The following CABIN1 variants were observed in gnomAD, a reference collection of about 807,000 sequenced individuals.
CABIN1 encodes calcineurin-binding protein cabin-1.
In CABIN1, 133 loss-of-function variants were observed where a neutral mutation model predicts 227.7. The ratio of observed to expected loss-of-function variants is 0.58; its 90% CI spans 0.51 to 0.67. CABIN1 has a LOEUF of 0.67. Ranked by LOEUF, CABIN1 falls within the 30% of genes least tolerant of loss-of-function variation. The pLI is 0.00. For synonymous variants in CABIN1, 1,086 were observed against 1,155.1 expected, an observed-to-expected ratio of 0.94 and a Z score of 1.21; for missense variants, 2,408 against 2,852.5, an observed-to-expected ratio of 0.84 and a Z score of 3.55.
At chr22:24,108,172 G>T (rs756988466) in intron 26 of CABIN1, among the ~76,000 whole-genome samples, 7 of 152,172 alleles carry the variant, frequency 4.6e-5, no homozygotes, top group Non-Finnish European at 8.8e-5. Flanking sequence ...CTGAAGTGGG[G>T]GCCTAGAGCA....
At chr22:24,026,416 GA>G (rs1384524913) in intron 1 of CABIN1, among the ~76,000 whole-genome samples, 1 of 152,132 alleles carries the variant, frequency 6.6e-6, no homozygotes, top group Non-Finnish European at 1.5e-5. Context: ...TCAGTTTATT[GA>G]GTTTTTTGCT....
intron 19 of CABIN1, among the ~76,000 whole-genome samples, chr22:24,076,500 G>A (rs539242771): frequency 9.2e-5 from 14 of 152,270 alleles, no homozygotes; most frequent in Admixed American, 2.0e-4. Context: ...AAGTTCCCTT[G>A]TGTACCTGAG....
rs981352928 is a variant in CABIN1 at position 24,171,862 on chromosome 22, A to G, written c.5907A>G (p.Ala1969=). The change falls in exon 34 of 37, where the codon GCA becomes GCG. Residue 1969 remains alanine, a synonymous_variant. Coordinates refer to ENST00000263119, the MANE Select transcript of CABIN1 (RefSeq NM_012295.4). ...PSDAHTKPRP[A]LAAATTIITC... is the part of the protein sequence containing the mutation. The stretch of plus-strand genomic sequence containing the variant: ...ATGCTCACACCAAGCCTCGCCCTGC[A>G]CTAGCTGCCGCCACAACTATTATCA... The G allele has an allele frequency of 9.9e-6, 16 of 1,613,974 alleles. No individual in the cohort carries two copies. The African/African-American group carries it at 2.1e-4, about 22-fold the overall frequency.
Position 24,094,823 on chromosome 22 carries a change from C to CA in CABIN1, c.3787-1086dup, listed in dbSNP as rs201624847. On this transcript the variant is annotated intron_variant, in intron 24 of 36. Coordinates refer to ENST00000263119, the MANE Select transcript of CABIN1 (RefSeq NM_012295.4). ...TGGGCGACAGAGCGAGACTCCGTCT[C>CA]AAAAAAAAAAAAAAAAAAAAAAGAA... Among the ~76,000 whole-genome samples the CA allele has an allele frequency of 8.3e-3, 643 of 77,212 alleles. 9 individuals carry two copies. Among genetic ancestry groups the CA allele is most frequent in the East Asian group, 0.024 (67 of 2,808 alleles). 50.7% of individuals were successfully genotyped at this position (77,212 alleles called of 152,430 possible). A position where few individuals can be genotyped will look rare whatever the true frequency, so the allele number is the denominator to read the frequency against.
At chr22:24,041,036 T>G in intron 4 of CABIN1, 103 bp from the exon 5 acceptor site, 1 of 1,413,102 alleles carries the variant, frequency 7.1e-7, no homozygotes, top group Non-Finnish European at 1.0e-6. Flanking sequence ...CTAGACTGGC[T>G]CAAGGGCCTG....
Position 24,056,370 on chromosome 22 carries a change from A to T in CABIN1, c.1262+10A>T, listed in dbSNP as rs181541560. ...AGTTCTTGCCGTCCAGGTACTGTGT[A>T]TTTTTTCTGATTGTCAGAAACAAAC... On this transcript the variant is annotated intron_variant, in intron 10 of 36. Transcript: ENST00000263119. 258 of 1,613,414 alleles carry T rather than the reference A, an allele frequency of 1.6e-4. 1 individual carries two copies. Among genetic ancestry groups the T allele is most frequent in the Admixed American group, 8.8e-4 (53 of 59,966 alleles).
intron 29 of CABIN1, among the ~76,000 whole-genome samples, chr22:24,150,906 T>A (rs2148472894): frequency 6.6e-6 from 1 of 152,280 alleles, no homozygotes; most frequent in East Asian, 1.9e-4. Flanking sequence ...GGTGCCGTAA[T>A]GGAGGGTGCT....
intron 4 of CABIN1, 72 bp downstream of exon 4, chr22:24,038,533 C>A: frequency 9.6e-7 from 1 of 1,037,370 alleles, no homozygotes; most frequent in Non-Finnish European, 1.5e-6. Context: ...GTACTCTGGG[C>A]CTTACCTCTG....
At chr22:24,164,269 G>A in intron 29 of CABIN1, 131 bp from the exon 30 acceptor site, 5 of 1,121,296 alleles carry the variant, frequency 4.5e-6, no homozygotes, top group African/African-American at 1.5e-5. Context: ...AGTGAGAGGG[G>A]TCCAAGAAGC....
intron 1 of CABIN1, among the ~76,000 whole-genome samples, chr22:24,030,181 G>A (rs940928566): frequency 1.3e-5 from 2 of 152,118 alleles, no homozygotes; most frequent in African/African-American, 2.4e-5. Context: ...AAACCTGTTC[G>A]GAGCTCTTGC....
intron 1 of CABIN1, among the ~76,000 whole-genome samples, chr22:24,032,175 C>T (rs977637363): frequency 6.6e-6 from 1 of 152,210 alleles, no homozygotes; most frequent in South Asian, 2.1e-4. Context: ...TGGCAACCAC[C>T]ATTCTACTTT....
At chr22:24,069,178 G>A (rs538197151) in intron 16 of CABIN1, among the ~76,000 whole-genome samples, 1 of 152,216 alleles carries the variant, frequency 6.6e-6, no homozygotes. Context: ...TGGATAGTTT[G>A]TGTCTTGTTG....
In CABIN1 at chr22:24,076,286, TA is replaced by T. The variant is rs1340778907; in HGVS notation, c.2748+4del. On this transcript the variant is annotated splice_donor_region_variant and intron_variant, in intron 19 of 36. Transcript: ENST00000263119. ...GATGGGGCTCTGCTGCGATTCTATG[TA>T]AGTGCTTCCCCTTGGGCTGCAGACT... 1 of 1,612,276 alleles carries T rather than the reference TA, an allele frequency of 6.2e-7. No individual in the cohort carries two copies. Among genetic ancestry groups the T allele is most frequent in the East Asian group, 2.2e-5 (1 of 44,878 alleles).
intron 1 of CABIN1, among the ~76,000 whole-genome samples, chr22:24,015,976 A>G (rs1225433967): frequency 1.3e-5 from 2 of 152,212 alleles, no homozygotes; most frequent in East Asian, 1.9e-4. Context: ...ACAAACAAGC[A>G]AAAACATCTT....
Position 24,134,314 on chromosome 22 carries a change from G to T in CABIN1, c.4645G>T (p.Ala1549Ser). 1 of 1,613,766 alleles carries T rather than the reference G, an allele frequency of 6.2e-7. No individual in the cohort carries two copies. The highest frequency in any genetic ancestry group is 8.5e-7 in the Non-Finnish European group (1 of 1,179,786). ...CTTGTTTCCCCAGAACCTCCAGTGG[G>T]CCCGCGACGTGTTGCTAGGCAGCAG... ...YSKTHRNLQW[A>S]RDVLLGSSIP... Residue 1549 changes from alanine (A) to serine (S), a missense_variant, in exon 29 of 37, where the codon GCC becomes TCC. Coordinates refer to ENST00000263119, the MANE Select transcript of CABIN1 (RefSeq NM_012295.4).
At chr22:24,128,016 T>G (rs1441638094) in intron 28 of CABIN1, among the ~76,000 whole-genome samples, 2 of 152,116 alleles carry the variant, frequency 1.3e-5, no homozygotes. Flanking sequence ...CCAGTAGCCT[T>G]CCTCTAGCTG....
intron 11 of CABIN1, 145 bp from the exon 12 acceptor site, chr22:24,059,779 A>T (rs2039055704): frequency 1.3e-6 from 1 of 770,646 alleles, no homozygotes; most frequent in Non-Finnish European, 2.3e-6. Context: ...CAGTAGCCTG[A>T]TCTCAGCACC....
At chr22:24,046,523 C>T (rs1164086232) in intron 6 of CABIN1, among the ~76,000 whole-genome samples, 1 of 152,158 alleles carries the variant, frequency 6.6e-6, no homozygotes, top group Admixed American at 6.5e-5. Flanking sequence ...CTTCCTTCCT[C>T]AACTGACTTC....
At chr22:24,038,312 A>G (rs780187486) in intron 3 of CABIN1, 36 bp from the exon 4 acceptor site, 2 of 1,532,740 alleles carry the variant, frequency 1.3e-6, no homozygotes, top group South Asian at 1.1e-5. Flanking sequence ...ACAGATCTTT[A>G]TGCTGTATGA....
Sources: gnomAD v4.1 joint callset for allele counts (sites outside exome capture counted in the v4.1 genomes callset) on GRCh38, gnomAD v4.1.1 for gene constraint, MANE v1.5 for transcripts, NCBI Gene and HGNC (gene_info 2026-07-23, HGNC 2026-07-21) for gene names.